CRY1: variants seen among roughly 807,000 people sequenced by gnomAD.
CRY1 encodes cryptochrome circadian regulator 1.
CRY1 carries 45 observed loss-of-function variants against 76.0 expected under a neutral mutation model. The observed-to-expected ratio is 0.59, with a 90% CI of 0.47 to 0.76. The LOEUF (loss-of-function observed/expected upper bound fraction) is 0.76. Ranked by LOEUF, CRY1 falls within the 30% of genes least tolerant of loss-of-function variation. CRY1 has a pLI of 0.00. For synonymous variants in CRY1, 248 were observed against 244.0 expected, an observed-to-expected ratio of 1.02 and a Z score of -0.15; for missense variants, 587 against 716.4, an observed-to-expected ratio of 0.82 and a Z score of 2.06.
Position 107,087,811 on chromosome 12 carries a change from G to C in CRY1, c.158+4993C>G, listed in dbSNP as rs146966901. 6.3e-4 allele frequency among the ~76,000 whole-genome samples: 96 copies of C among 152,252 alleles called. No individual in the cohort carries two copies. In the East Asian group the frequency reaches 0.017, roughly 27 times the overall value. On this transcript the variant is annotated intron_variant, in intron 1 of 12. Coordinates refer to ENST00000008527, the MANE Select transcript of CRY1 (RefSeq NM_004075.5). ...ACCTATAATCCCAGCACTTTCAGAG[G>C]CTGAGGCAGGAGAATTGCTTTAGCC... is the stretch of plus-strand genomic sequence containing the variant.
intron 1 of CRY1, among the ~76,000 whole-genome samples, chr12:107,077,147 C>T (rs1953265365): frequency 2.0e-5 from 3 of 151,628 alleles, no homozygotes; most frequent in African/African-American, 7.3e-5. Context: ...CAGCACTCCC[C>T]AACACATACA....
At chr12:107,010,649 A>G (rs1365845212) in intron 2 of CRY1, among the ~76,000 whole-genome samples, 1 of 151,944 alleles carries the variant, frequency 6.6e-6, no homozygotes, top group South Asian at 2.1e-4. Flanking sequence ...TCACTGTATC[A>G]CCCAGGCTGG....
intron 10 of CRY1, among the ~76,000 whole-genome samples, chr12:106,994,128 T>C (rs1952208786): frequency 6.6e-6 from 1 of 152,072 alleles, no homozygotes. Flanking sequence ...TAAGGTACTA[T>C]AAAAGCCTAC....
At position 107,093,532 on chromosome 12, in the gene CRY1, G is replaced by A. The variant is rs1333748872; in HGVS notation, c.-571C>T. 6.6e-6 allele frequency: 1 copy of A among 152,326 alleles called. No individual in the cohort carries two copies. Among genetic ancestry groups the A allele is most frequent in the Non-Finnish European group, 1.5e-5 (1 of 68,110 alleles). The allele number at this position is 152,326 out of a possible 1,614,324, so 9.4% of individuals were successfully genotyped here. A position where few individuals can be genotyped will look rare whatever the true frequency, so the allele number is the denominator to read the frequency against. On this transcript the variant is annotated 5_prime_UTR_variant, in exon 1 of 13. Coordinates refer to ENST00000008527, the MANE Select transcript of CRY1 (RefSeq NM_004075.5). ...GTTGCCGGCCGGTGACCGGTCCCGA[G>A]GCTGCCCGGGTGACTCTGCCGCCGC...
At chr12:107,057,665 G>A (rs1356621969) in intron 1 of CRY1, among the ~76,000 whole-genome samples, 1 of 152,036 alleles carries the variant, frequency 6.6e-6, no homozygotes, top group Admixed American at 6.6e-5. Flanking sequence ...CAGGAGCTGG[G>A]GGCCACAGTG....
intron 2 of CRY1, among the ~76,000 whole-genome samples, chr12:107,012,375 A>T (rs2136834939): frequency 6.6e-6 from 1 of 152,326 alleles, no homozygotes; most frequent in African/African-American, 2.4e-5. Context: ...GAACAGGAAC[A>T]ACAAAGCCTG....
At chr12:107,011,852 T>C (rs369985038) in intron 2 of CRY1, among the ~76,000 whole-genome samples, 11 of 152,352 alleles carry the variant, frequency 7.2e-5, no homozygotes, top group African/African-American at 2.6e-4. Context: ...AGCAGCCTTC[T>C]ATTGGAAGAA....
intron 1 of CRY1, among the ~76,000 whole-genome samples, chr12:107,085,425 A>T (rs878982502): frequency 6.6e-6 from 1 of 152,228 alleles, no homozygotes. Context: ...AATGCCCATC[A>T]ATGATAGACT....
At chr12:107,009,751 CAA>C (rs1315256077) in intron 2 of CRY1, among the ~76,000 whole-genome samples, 1 of 150,244 alleles carries the variant, frequency 6.7e-6, no homozygotes, top group Non-Finnish European at 1.5e-5. Context: ...AGTGTCTTTA[CAA>C]AAAAAACTTT....
rs778111010 is a variant in CRY1 at position 107,001,286 on chromosome 12, T to C, written c.678A>G (p.Glu226=). ...ATAATCTACATTATCATACTTTTCT[T>C]TCCAAATGCCTTTCCAAACGAGTAA... ...EALTRLERHL[E]RKAWVANFER... The change falls in exon 5 of 13, where the codon GAA becomes GAG. Residue 226 remains glutamate (E), a synonymous_variant. Coordinates refer to ENST00000008527, the MANE Select transcript of CRY1 (RefSeq NM_004075.5). 2 of 1,612,628 alleles carry C rather than the reference T, an allele frequency of 1.2e-6. No individual in the cohort carries two copies. The highest frequency in any genetic ancestry group is 1.7e-6 in the Non-Finnish European group (2 of 1,178,870).
intron 2 of CRY1, among the ~76,000 whole-genome samples, chr12:107,010,517 T>C (rs1202945880): frequency 7.2e-5 from 11 of 152,236 alleles, no homozygotes; most frequent in Admixed American, 7.2e-4. Flanking sequence ...CCCAAAAGCA[T>C]GTGCTCACCT....
chr12:107,061,665 A>G (rs1238894935), intron 1 of CRY1, among the ~76,000 whole-genome samples: 1 of 152,186 alleles, frequency 6.6e-6, no homozygotes, highest in Non-Finnish European at 1.5e-5. Flanking sequence ...CACAGGCATG[A>G]GCCACTGCGC....
rs1269368673 is a variant in CRY1 at position 106,991,398 on chromosome 12, T to C, written c.*604A>G. On this transcript the variant is annotated 3_prime_UTR_variant, in exon 13 of 13. Coordinates refer to ENST00000008527, the MANE Select transcript of CRY1 (RefSeq NM_004075.5). ...TGCATATACTTTAATAACAAGTTCA[T>C]TTTAGTAATAAATGAACAAAGAAAC... 1.3e-5 allele frequency: 2 copies of C among 152,728 alleles called. No homozygotes were observed. Among genetic ancestry groups the C allele is most frequent in the East Asian group, 1.9e-4 (1 of 5,188 alleles). The allele number at this position is 152,728 out of a possible 1,614,324, so 9.5% of individuals were successfully genotyped here.
At chr12:107,092,574 G>GAAAA (rs1379824691) in intron 1 of CRY1, among the ~76,000 whole-genome samples, 1 of 152,218 alleles carries the variant, frequency 6.6e-6, no homozygotes, top group Non-Finnish European at 1.5e-5. Context: ...AGTTAGCACA[G>GAAAA]AAAGACACAT....
At chr12:106,999,049 A>C (rs1383708446) in intron 7 of CRY1, among the ~76,000 whole-genome samples, 1 of 151,530 alleles carries the variant, frequency 6.6e-6, no homozygotes, top group South Asian at 2.1e-4. Flanking sequence ...GTCTCAAAAA[A>C]AAAAAAAAAA....
intron 10 of CRY1, among the ~76,000 whole-genome samples, chr12:106,993,919 C>T (rs1952206130): frequency 6.6e-6 from 1 of 151,940 alleles, no homozygotes; most frequent in Non-Finnish European, 1.5e-5. Flanking sequence ...ATTATAAGAA[C>T]AAAAGTAAGA....
At chr12:107,062,241 T>C (rs1446956438) in intron 1 of CRY1, among the ~76,000 whole-genome samples, 1 of 152,094 alleles carries the variant, frequency 6.6e-6, no homozygotes, top group Non-Finnish European at 1.5e-5. Context: ...GTTTTTATAA[T>C]ATACTTCAGA....
chr12:107,085,265 AG>A (rs1402240440), intron 1 of CRY1, among the ~76,000 whole-genome samples: 2 of 152,202 alleles, frequency 1.3e-5, no homozygotes, highest in African/African-American at 4.8e-5. Flanking sequence ...TGATTCCTCA[AG>A]GATCTACAAA....
chr12:107,026,780 T>G (rs1208184309), intron 1 of CRY1, among the ~76,000 whole-genome samples: 14 of 151,720 alleles, frequency 9.2e-5, no homozygotes, highest in Admixed American at 3.9e-4. Flanking sequence ...TTTTTTTTTT[T>G]TTTTTTTTTT....
Sources: gnomAD v4.1 joint callset for allele counts (sites outside exome capture counted in the v4.1 genomes callset) on GRCh38, gnomAD v4.1.1 for gene constraint, MANE v1.5 for transcripts, NCBI Gene and HGNC (gene_info 2026-07-23, HGNC 2026-07-21) for gene names.